TRIM55: variants seen among roughly 807,000 people sequenced by gnomAD.
The protein encoded by TRIM55 is tripartite motif-containing protein 55.
Under a neutral mutation model 60.9 loss-of-function variants are expected in TRIM55, and 50 were observed. That is an observed-to-expected ratio of 0.82 (90% confidence interval 0.65 to 1.04). TRIM55 has a LOEUF of 1.04. Ranked by LOEUF, TRIM55 falls within the 50% of genes least tolerant of loss-of-function variation. The pLI, the probability that TRIM55 is intolerant of heterozygous loss-of-function variation, is 0.00. For synonymous variants in TRIM55, 237 were observed against 238.1 expected (o/e 1.00, Z 0.04); for missense variants, 681 against 666.9 (o/e 1.02, Z -0.23).
At chr8:66,142,843 A>C (rs1809896526) in intron 4 of TRIM55, among the ~76,000 whole-genome samples, 1 of 152,156 alleles carries the variant, frequency 6.6e-6, no homozygotes, top group East Asian at 1.9e-4. Context: ...TCCCCTTTCT[A>C]GGGACACCCT....
chr8:66,162,360 G>A (rs1232691295), intron 9 of TRIM55, among the ~76,000 whole-genome samples: 1 of 152,040 alleles, frequency 6.6e-6, no homozygotes, highest in Non-Finnish European at 1.5e-5. Context: ...TGCATTCCTG[G>A]TATGAAACCC....
chr8:66,172,339 T>TA (rs1234946551), intron 9 of TRIM55, among the ~76,000 whole-genome samples: 1 of 152,140 alleles, frequency 6.6e-6, no homozygotes, highest in Non-Finnish European at 1.5e-5. Context: ...GGTTGTTGGG[T>TA]CCTCAGTGGA....
chr8:66,163,549 G>A (rs781458026), intron 9 of TRIM55, among the ~76,000 whole-genome samples: 17 of 152,102 alleles, frequency 1.1e-4, no homozygotes, highest in East Asian at 1.9e-4. Context: ...TTAGATGAGC[G>A]GCATTTCGTT....
rs376597075 is a variant in TRIM55 at position 66,149,787 on chromosome 8, A to G, written c.746A>G (p.Lys249Arg). ...EKLEHVRALI[K>R]KYSDHLENVS... ...CTGGAACATGTCCGTGCTCTGATCAAAAAGTATTCTGATCATTTGGAGAAC... is the reference window on the plus strand; with the variant it reads ...CTGGAACATGTCCGTGCTCTGATCAGAAAGTATTCTGATCATTTGGAGAAC... The change falls in exon 5 of 10, where the codon AAA becomes AGA. Residue 249 changes from lysine (K) to arginine (R), a missense_variant. Transcript: ENST00000315962. 1.2e-5 allele frequency: 19 copies of G among 1,614,102 alleles called. No homozygotes were observed. The highest frequency in any genetic ancestry group is 4.5e-5 in the East Asian group (2 of 44,880).
At chr8:66,123,659 C>G (rs1808714432), upstream of TRIM55, among the ~76,000 whole-genome samples, 2 of 152,064 alleles carry the variant, frequency 1.3e-5, no homozygotes, top group African/African-American at 4.8e-5. Flanking sequence ...AGTTCAAGAC[C>G]AGCCTGGGCA....
chr8:66,139,477 CA>C (rs141067585), intron 4 of TRIM55, among the ~76,000 whole-genome samples: 3,970 of 145,528 alleles, frequency 0.027, 174 homozygotes, highest in African/African-American at 0.1. Context: ...AGAAGCCGAT[CA>C]GGGGCATGGT....
At chr8:66,135,258 C>T in intron 3 of TRIM55, 103 bp downstream of exon 3, 4 of 1,268,632 alleles carry the variant, frequency 3.2e-6, no homozygotes, top group Non-Finnish European at 4.5e-6. Flanking sequence ...AGGAGGAAGC[C>T]CAAGCCACGC....
chr8:66,118,168 C>CAAAAAAAAAAAA, the TRIM55 span, among the ~76,000 whole-genome samples: 25 of 39,892 alleles, frequency 6.3e-4, no homozygotes, highest in Non-Finnish European at 7.7e-4. Context: ...GACTCCGTCT[C>CAAAAAAAAAAAA]AAAAAAAAAA....
intron 5 of TRIM55, among the ~76,000 whole-genome samples, 163 bp from the exon 6 acceptor site, chr8:66,150,053 GA>G (rs1333200449): frequency 6.6e-6 from 1 of 152,134 alleles, no homozygotes; most frequent in Non-Finnish European, 1.5e-5. Flanking sequence ...GCATGTCTAT[GA>G]TACTGCTTAA....
rs548209886 is a variant in TRIM55 at position 66,153,227 on chromosome 8, T to C, written c.1236+600T>C. On this transcript the variant is annotated intron_variant, in intron 8 of 9. Coordinates refer to ENST00000315962, the MANE Select transcript of TRIM55 (RefSeq NM_184085.2). ...GCAAACAATGAAGCCTGGTTTTCTATGGATTTGTCATTTGATGAGATTGTG... is the reference window on the plus strand; with the variant it reads ...GCAAACAATGAAGCCTGGTTTTCTACGGATTTGTCATTTGATGAGATTGTG... Among the ~76,000 whole-genome samples the C allele has an allele frequency of 2.6e-5, 4 of 152,318 alleles. No homozygotes were observed. In the South Asian group the frequency reaches 6.2e-4, roughly 24 times the overall value.
At chr8:66,113,967 C>G in the TRIM55 span, among the ~76,000 whole-genome samples, 2 of 151,826 alleles carry the variant, frequency 1.3e-5, no homozygotes, top group African/African-American at 4.8e-5. Context: ...CAAGGCGGCA[C>G]CCGGGAAGCT....
the TRIM55 span, chr8:66,113,650 C>T: frequency 4.4e-6 from 2 of 453,082 alleles, no homozygotes; most frequent in Non-Finnish European, 8.9e-6. Context: ...AGGTTCCCAG[C>T]GCAGCTGTGG....
At chr8:66,146,360 A>T (rs781646862) in intron 4 of TRIM55, among the ~76,000 whole-genome samples, 1 of 152,234 alleles carries the variant, frequency 6.6e-6, no homozygotes, top group South Asian at 2.1e-4. Flanking sequence ...TATTCCATTT[A>T]AACTGCCAAA....
At chr8:66,170,126 T>C (rs1811541846) in intron 9 of TRIM55, among the ~76,000 whole-genome samples, 1 of 152,160 alleles carries the variant, frequency 6.6e-6, no homozygotes. Context: ...CCATTACACA[T>C]TCTAAGTGCC....
upstream of TRIM55, among the ~76,000 whole-genome samples, chr8:66,124,558 T>C (rs1808749936): frequency 6.6e-6 from 1 of 151,662 alleles, no homozygotes. Context: ...GTTCAAACAC[T>C]ACCCCCACCC....
At chr8:66,150,752 C>G (rs1810374893) in intron 7 of TRIM55, among the ~76,000 whole-genome samples, 1 of 152,188 alleles carries the variant, frequency 6.6e-6, no homozygotes, top group Non-Finnish European at 1.5e-5. Flanking sequence ...CTGGAACCTC[C>G]ACCTCCTGGG....
At chr8:66,160,965 A>C (rs527270948) in intron 9 of TRIM55, among the ~76,000 whole-genome samples, 1 of 150,484 alleles carries the variant, frequency 6.6e-6, no homozygotes, top group Non-Finnish European at 1.5e-5. Flanking sequence ...CTTCCACTCT[A>C]TGGGTTGTCT....
upstream of TRIM55, among the ~76,000 whole-genome samples, chr8:66,124,020 CCTGA>C (rs971791726): frequency 9.9e-5 from 15 of 152,252 alleles, no homozygotes; most frequent in Middle Eastern, 3.4e-3. Context: ...TGGGAGAAAG[CCTGA>C]CTGTCTCTGA....
At chr8:66,126,939 A>G (rs1225846373), upstream of TRIM55, 1 of 215,608 alleles carries the variant, frequency 4.6e-6, no homozygotes, top group African/African-American at 2.3e-5. Flanking sequence ...TCTCCTCACA[A>G]CCCCGTCTAA....
Sources: allele counts gnomAD v4.1 joint callset (sites outside exome capture counted in the v4.1 genomes callset), GRCh38; gene constraint gnomAD v4.1.1; transcripts MANE v1.5; gene names NCBI Gene and HGNC (gene_info 2026-07-23, HGNC 2026-07-21).